UTRN: variants seen among roughly 807,000 people sequenced by gnomAD.
UTRN encodes the protein utrophin.
In UTRN, 283 loss-of-function variants were observed where a neutral mutation model predicts 463.9. The ratio of observed to expected loss-of-function variants is 0.61; its 90% confidence interval spans 0.55 to 0.67. The LOEUF (loss-of-function observed/expected upper bound fraction) is 0.67, where lower values mean the gene tolerates loss of function less well. UTRN is among the 30% of genes least tolerant of loss of function. UTRN has a pLI of 0.00. For synonymous variants in UTRN, 1,442 were observed against 1,431.5 expected (o/e 1.01, Z -0.17); for missense variants, 3,922 against 4,084.3 (o/e 0.96, Z 1.08).
At chr6:144,646,447 A>G (rs543342492) in intron 51 of UTRN, among the ~76,000 whole-genome samples, 19 of 152,300 alleles carry the variant, frequency 1.2e-4, no homozygotes, top group Admixed American at 1.2e-3. Flanking sequence ...ACAAGCAACT[A>G]ATTAGAATAA....
At chr6:144,754,669 A>G in intron 56 of UTRN, 51 bp from the exon 57 acceptor site, 2 of 1,575,606 alleles carry the variant, frequency 1.3e-6, no homozygotes, top group Non-Finnish European at 1.7e-6. Context: ...TATTAAAGTT[A>G]TTGTTTCGGA....
In UTRN at chr6:144,514,916, A is replaced by G; in HGVS notation, c.5244+96A>G. ...CATACATCAACAATTTTGTTTTATT[A>G]TTTTAATTTTATTGTTTTCTCTCTC... On this transcript the variant is annotated intron_variant, in intron 37 of 74. Coordinates refer to ENST00000367545, the MANE Select transcript of UTRN (RefSeq NM_007124.3). 3.9e-6 allele frequency: 5 copies of G among 1,289,146 alleles called. No homozygotes were observed. The East Asian group carries it at 1.3e-4, about 34-fold the overall frequency. The allele number at this position is 1,289,146 out of a possible 1,614,324, so 79.9% of individuals were successfully genotyped here. A position where few individuals can be genotyped will look rare whatever the true frequency, so the allele number is the denominator to read the frequency against.
rs115519413 is a variant in UTRN at position 144,479,554 on chromosome 6, T to C, written c.3337-258T>C. ...CATCTGGGATTACAGTCAACAGTTA[T>C]GCATTGTCAAAATTATAATAGCTAT... On this transcript the variant is annotated intron_variant, in intron 25 of 74. Coordinates refer to ENST00000367545, the MANE Select transcript of UTRN (RefSeq NM_007124.3). Among the ~76,000 whole-genome samples the C allele has an allele frequency of 3.8e-3, 581 of 152,360 alleles. 1 individual carries two copies. Among genetic ancestry groups the C allele is most frequent in the African/African-American group, 0.013 (550 of 41,582 alleles).
intron 43 of UTRN, among the ~76,000 whole-genome samples, chr6:144,535,884 A>G (rs990053052): frequency 6.6e-5 from 10 of 152,100 alleles, no homozygotes; most frequent in African/African-American, 2.2e-4. Context: ...GGCTCAAGCA[A>G]TCCTCTCACC....
At chr6:144,578,554 C>T (rs1016666274) in intron 51 of UTRN, among the ~76,000 whole-genome samples, 1 of 152,132 alleles carries the variant, frequency 6.6e-6, no homozygotes, top group Non-Finnish European at 1.5e-5. Flanking sequence ...AGGCTGGTCT[C>T]AAACTCTTGA....
chr6:144,799,001 A>C (rs546095702), intron 64 of UTRN, among the ~76,000 whole-genome samples: 196 of 152,326 alleles, frequency 1.3e-3, no homozygotes, highest in Admixed American at 0.012. Context: ...TGGCCTCCCA[A>C]AGTGCTGGGA....
chr6:144,440,352 A>G lies in UTRN; in HGVS notation c.1393A>G (p.Ser465Gly). Residue 465 changes from serine to glycine, a missense_variant and splice_region_variant, in exon 13 of 75, where the codon AGT becomes GGT. Coordinates refer to ENST00000367545, the MANE Select transcript of UTRN (RefSeq NM_007124.3). ...SLQKLLEEHK[S>G]LQSDLEAEQV... ...GGTTTATCTTAATTTTTTTCTCTAG[A>G]GTTTGCAAAGTGATCTTGAGGCTGA... 1 of 1,614,096 alleles carries G rather than the reference A, an allele frequency of 6.2e-7. No individual in the cohort carries two copies. Among genetic ancestry groups the G allele is most frequent in the South Asian group, 1.1e-5 (1 of 91,068 alleles).
At position 144,840,786 on chromosome 6, in the gene UTRN, C is replaced by T; in HGVS notation, c.10224C>T (p.Leu3408=). The T allele has an allele frequency of 6.2e-7, 1 of 1,614,072 alleles. No homozygotes were observed. Among genetic ancestry groups the T allele is most frequent in the Non-Finnish European group, 8.5e-7 (1 of 1,179,984 alleles). ...LAPPHDTSTD[L]TEVMEQIHST... The stretch of plus-strand genomic sequence containing the variant: ...CACCGCACGACACCAGCACGGATCT[C>T]ACGGAGGTCATGGAGCAGATTCACA... Residue 3408 remains leucine (L), a synonymous_variant, in exon 73 of 75, where the codon CTC becomes CTT. Transcript: ENST00000367545.
intron 28 of UTRN, among the ~76,000 whole-genome samples, chr6:144,486,084 T>C (rs1792416147): frequency 6.6e-6 from 1 of 152,178 alleles, no homozygotes; most frequent in African/African-American, 2.4e-5. Flanking sequence ...TTAATAACCG[T>C]TTCTTAAATG....
rs148642931 is a variant in UTRN at position 144,316,005 on chromosome 6, A to T, written c.79+24098A>T. Among the ~76,000 whole-genome samples, 66 of 152,288 alleles carry T rather than the reference A, an allele frequency of 4.3e-4. 1 individual carries two copies. In the East Asian group the frequency reaches 0.012, roughly 27 times the overall value. ...AGAGGCAGCTAGAGGATTTCAGGATACATTTCCCTCAGTTGTTTCCTTCTG... is the reference window on the plus strand; with the variant it reads ...AGAGGCAGCTAGAGGATTTCAGGATTCATTTCCCTCAGTTGTTTCCTTCTG... On this transcript the variant is annotated intron_variant, in intron 2 of 74. Transcript: ENST00000367545.
intron 9 of UTRN, among the ~76,000 whole-genome samples, chr6:144,434,078 C>T (rs928080213): frequency 9.2e-5 from 14 of 152,218 alleles, no homozygotes; most frequent in African/African-American, 3.1e-4. Context: ...AACTAGACTC[C>T]GTCTGCAATC....
At chr6:144,798,019 A>G (rs761373876) in intron 64 of UTRN, 29 bp downstream of exon 64, 2 of 1,612,928 alleles carry the variant, frequency 1.2e-6, no homozygotes, top group Non-Finnish European at 1.7e-6. Context: ...GGAGGAGGCT[A>G]TTTTCTGTTT....
intron 51 of UTRN, among the ~76,000 whole-genome samples, chr6:144,627,435 A>G (rs1204006147): frequency 1.3e-5 from 2 of 152,202 alleles, no homozygotes; most frequent in Non-Finnish European, 2.9e-5. Flanking sequence ...CTCTGTTAAT[A>G]TGATCTTTTT....
intron 51 of UTRN, among the ~76,000 whole-genome samples, chr6:144,591,299 G>A (rs535407917): frequency 1.3e-5 from 2 of 152,232 alleles, no homozygotes; most frequent in East Asian, 3.9e-4. Flanking sequence ...CAGTGAAGGA[G>A]AAAATAAATC....
At chr6:144,447,357 AT>A (rs1787797459) in intron 15 of UTRN, 39 bp downstream of exon 15, 1 of 1,576,812 alleles carries the variant, frequency 6.3e-7, no homozygotes, top group Non-Finnish European at 8.7e-7. Context: ...TTGTAAGCCT[AT>A]GATATCTTAA....
At chr6:144,416,957 C>T (rs2114834549) in intron 3 of UTRN, among the ~76,000 whole-genome samples, 1 of 152,228 alleles carries the variant, frequency 6.6e-6, no homozygotes, top group Admixed American at 6.5e-5. Context: ...TGAGTCTTTG[C>T]AAAGATTTCA....
At chr6:144,348,401 A>T (rs1046036196) in intron 2 of UTRN, among the ~76,000 whole-genome samples, 6 of 152,214 alleles carry the variant, frequency 3.9e-5, no homozygotes, top group Non-Finnish European at 5.9e-5. Context: ...GTCATATGTT[A>T]GGGATTGCCA....
intron 69 of UTRN, 84 bp from the exon 70 acceptor site, chr6:144,835,696 C>T: frequency 6.4e-7 from 1 of 1,564,892 alleles, no homozygotes; most frequent in Non-Finnish European, 8.7e-7. Flanking sequence ...ACTATCCTGT[C>T]CATCATTATT....
chr6:144,730,875 A>C (rs1416996466), intron 54 of UTRN, among the ~76,000 whole-genome samples: 3 of 151,310 alleles, frequency 2.0e-5, no homozygotes, highest in Non-Finnish European at 4.4e-5. Flanking sequence ...CAAGGTCTAT[A>C]AGTAAGATTA....
Sources: gnomAD v4.1 joint callset for allele counts (sites outside exome capture counted in the v4.1 genomes callset) on GRCh38, gnomAD v4.1.1 for gene constraint, MANE v1.5 for transcripts, NCBI Gene and HGNC (gene_info 2026-07-23, HGNC 2026-07-21) for gene names.